Variants in FBXO24 observed in about 807,000 individuals in gnomAD.
The protein encoded by FBXO24 is F-box protein 24, also known as F-box only protein 24.
In FBXO24, 30 loss-of-function variants were observed where a neutral mutation model predicts 63.5. The observed-to-expected ratio is 0.47, with a 90% confidence interval of 0.35 to 0.64. The LOEUF (loss-of-function observed/expected upper bound fraction) is 0.64, where lower values mean the gene tolerates loss of function less well. Ranked by LOEUF, FBXO24 falls within the 30% of genes least tolerant of loss-of-function variation. The probability of loss-of-function intolerance (pLI) is 0.00; values close to 1 mark genes in which losing one functional copy is unlikely to be tolerated. For synonymous variants in FBXO24, 300 were observed against 305.0 expected, an observed-to-expected ratio of 0.98 and a Z score of 0.17; for missense variants, 624 against 763.4, an observed-to-expected ratio of 0.82 and a Z score of 2.15.
rs1326849886 is a variant in FBXO24 at position 100,594,385 on chromosome 7, G to A, written c.796G>A (p.Glu266Lys). The stretch of plus-strand genomic sequence containing the variant: ...CTAATTGCTTCCCCTACCCCCAGAG[G>A]AAGGAAAGATCTACTCTTTGGTAGT... ...TQRALLLLTE[E>K]GKIYSLVVNE... Residue 266 changes from glutamate (E) to lysine (K), a missense_variant and splice_region_variant, in exon 6 of 10, where the codon GAA becomes AAA. By Grantham distance (56) the Glu-to-Lys change is moderately conservative. Around this residue, in one of 3 missense-constraint regions of FBXO24, gnomAD observed 391 missense variants for 469.1 expected, o/e 0.83. Coordinates refer to ENST00000241071, the MANE Select transcript of FBXO24 (RefSeq NM_033506.3). The surrounding 1 kb of genome is among the most constrained non-coding windows in gnomAD (Gnocchi z 4.2). The A allele has an allele frequency of 6.2e-7, 1 of 1,611,414 alleles. No individual in the cohort carries two copies. Among genetic ancestry groups the A allele is most frequent in the Non-Finnish European group, 8.5e-7 (1 of 1,179,004 alleles).
chr7:100,587,688 T>C (rs1801822909), intron 1 of FBXO24, among the ~76,000 whole-genome samples: 1 of 146,442 alleles, frequency 6.8e-6, no homozygotes, highest in African/African-American at 2.5e-5. Flanking sequence ...CAGCCTTGAA[T>C]GCCTGGGCTC....
rs375799189 is a variant in FBXO24, at chr7:100,586,708, C to G, written c.39+44C>G. On this transcript the variant is annotated intron_variant, in intron 1 of 9. Coordinates refer to ENST00000241071, the MANE Select transcript of FBXO24 (RefSeq NM_033506.3). ...ACTGAGGTTAAGAATGAACGCGGAG[C>G]CCCTGGCCGGCCGGGAACGCAGTTC... The G allele has an allele frequency of 1.4e-4, 221 of 1,610,082 alleles. No homozygotes were observed. The African/African-American group carries it at 2.6e-3, about 19-fold the overall frequency.
Position 100,592,884 on chromosome 7 carries a change from C to A in FBXO24, c.660C>A (p.Ala220=), listed in dbSNP as rs934148714. 8 of 1,614,102 alleles carry A rather than the reference C, an allele frequency of 5.0e-6. No homozygotes were observed. Among genetic ancestry groups the A allele is most frequent in the Non-Finnish European group, 6.8e-6 (8 of 1,180,056 alleles). ...TGGTGGGTACCACCAGCAGCCGGGC[C>A]TGTGACTGTGTTGAGGTCTATCTGC... ...QEVVGTTSSR[A]CDCVEVYLQS... Residue 220 remains alanine, a synonymous_variant, in exon 5 of 10, where the codon GCC becomes GCA. Coordinates refer to ENST00000241071, the MANE Select transcript of FBXO24 (RefSeq NM_033506.3).
Position 100,590,398 on chromosome 7 carries a change from C to T in FBXO24, c.322+41C>T, listed in dbSNP as rs751000780. ...AACCTCCCGTTCTCCTTGCCTCTGT[C>T]CCGCCTTAGCCTTCCTGCTCTCTAA... On this transcript the variant is annotated intron_variant, in intron 3 of 9. Coordinates refer to ENST00000241071, the MANE Select transcript of FBXO24 (RefSeq NM_033506.3). 7.7e-5 allele frequency: 120 copies of T among 1,563,804 alleles called. 2 individuals are homozygous for T. The South Asian group carries it at 9.8e-4, about 13-fold the overall frequency.
intron 1 of FBXO24, 167 bp from the exon 2 acceptor site, chr7:100,589,810 G>T (rs1440769452): frequency 1.3e-5 from 20 of 1,513,872 alleles, no homozygotes; most frequent in Middle Eastern, 3.5e-4. Context: ...GGGATTGGCC[G>T]CAGGAGATCG....
rs372120120 is a variant in FBXO24, at chr7:100,595,238, G to A, written c.1074+15G>A. The A allele has an allele frequency of 1.2e-6, 2 of 1,614,084 alleles. No individual in the cohort carries two copies. Among genetic ancestry groups the A allele is most frequent in the Non-Finnish European group, 1.7e-6 (2 of 1,180,004 alleles). On this transcript the variant is annotated intron_variant, in intron 7 of 9. Coordinates refer to ENST00000241071, the MANE Select transcript of FBXO24 (RefSeq NM_033506.3). ...TGCCTGCCAAGGTAGGCTCCTGGAG[G>A]GACGGGGCAAACCAGAGGGGTGGCG...
In FBXO24 at chr7:100,595,239, G is replaced by C. The variant is rs1364465894; in HGVS notation, c.1074+16G>C. The stretch of plus-strand genomic sequence containing the variant: ...GCCTGCCAAGGTAGGCTCCTGGAGG[G>C]ACGGGGCAAACCAGAGGGGTGGCGC... On this transcript the variant is annotated intron_variant, in intron 7 of 9. Transcript: ENST00000241071. 2 of 1,614,074 alleles carry C rather than the reference G, an allele frequency of 1.2e-6. No individual in the cohort carries two copies. Among genetic ancestry groups the C allele is most frequent in the African/African-American group, 1.3e-5 (1 of 75,030 alleles).
At chr7:100,599,520 A>G (rs1322936725) in intron 8 of FBXO24, among the ~76,000 whole-genome samples, 1 of 151,680 alleles carries the variant, frequency 6.6e-6, no homozygotes, top group African/African-American at 2.4e-5. Flanking sequence ...GGTTGCAGTG[A>G]GCCGAGATCG....
rs267601178 is a variant in FBXO24 at position 100,595,675 on chromosome 7, G to A, written c.1175G>A (p.Gly392Glu). 2.5e-6 allele frequency: 4 copies of A among 1,611,146 alleles called. No homozygotes were observed. The highest frequency in any genetic ancestry group is 2.2e-5 in the East Asian group (1 of 44,844). Residue 392 changes from glycine to glutamate, a missense_variant, in exon 8 of 10, where the codon GGG (glycine) becomes GAG (glutamate). Coordinates refer to ENST00000241071, the MANE Select transcript of FBXO24 (RefSeq NM_033506.3). ...GNNRYGQLGT[G>E]DKMDRGEPTQ... ...AACAGATACGGGCAGCTAGGAACAG[G>A]GGACAAAATGGACCGAGGGGAACCC...
chr7:100,593,421 G>C (rs1277701799), intron 5 of FBXO24, among the ~76,000 whole-genome samples: 1 of 152,004 alleles, frequency 6.6e-6, no homozygotes, highest in Non-Finnish European at 1.5e-5. Context: ...ACGAGGTCAA[G>C]AGATCGAGAC....
At position 100,592,873 on chromosome 7, in the gene FBXO24, A is replaced by G. The variant is rs922678131; in HGVS notation, c.649A>G (p.Ser217Gly). The G allele has an allele frequency of 2.5e-6, 4 of 1,614,080 alleles. No homozygotes were observed. The African/African-American group carries it at 5.3e-5, about 22-fold the overall frequency. ...REPQEVVGTTSSRACDCVEVY... is the reference protein window; with the variant it reads ...REPQEVVGTTGSRACDCVEVY... Reference sequence around the variant, plus strand: ...GCCGCAGGAAGTGGTGGGTACCACCAGCAGCCGGGCCTGTGACTGTGTTGA... The same window carrying G: ...GCCGCAGGAAGTGGTGGGTACCACCGGCAGCCGGGCCTGTGACTGTGTTGA... The change falls in exon 5 of 10, where the codon AGC (serine) becomes GGC (glycine). Residue 217 changes from serine to glycine, a missense_variant. By Grantham distance (56) the Ser-to-Gly change is moderately conservative. This residue lies in a region of FBXO24 where 391 missense variants were observed against 469.1 expected (regional missense o/e 0.83). Transcript: ENST00000241071.
intron 5 of FBXO24, among the ~76,000 whole-genome samples, chr7:100,593,646 A>T (rs1366854818): frequency 6.6e-6 from 1 of 150,388 alleles, no homozygotes; most frequent in Non-Finnish European, 1.5e-5. Flanking sequence ...AAAAAAAAAA[A>T]ATTAGCCGGA....
chr7:100,587,158 C>T (rs1801797852), intron 1 of FBXO24, among the ~76,000 whole-genome samples: 1 of 152,212 alleles, frequency 6.6e-6, no homozygotes, highest in Non-Finnish European at 1.5e-5. Context: ...ACAGCAAGTT[C>T]CTGACAGCTG....
rs148604938 is a variant in FBXO24 at position 100,600,764 on chromosome 7, G to C, written c.1608G>C (p.Thr536=). Residue 536 remains threonine (T), a synonymous_variant, in exon 10 of 10, where the codon ACG becomes ACC. Transcript: ENST00000241071. This position sits in a 1 kb window ranked among gnomAD's most constrained non-coding sequence, Gnocchi z 6.3. The stretch of plus-strand genomic sequence containing the variant: ...GTTGCCAAACGTTGCAGGACCGCAC[G>C]GAGAAGATGAAGGAGATCGTAGGGT... ...IHSCQTLQDR[T]EKMKEIVGWM... 50 of 1,614,040 alleles carry C rather than the reference G, an allele frequency of 3.1e-5. No homozygotes were observed. The highest frequency in any genetic ancestry group is 3.6e-5 in the Non-Finnish European group (43 of 1,180,026).
chr7:100,589,855 G>A lies in FBXO24; in HGVS notation c.40-122G>A. 3 of 1,545,910 alleles carry A rather than the reference G, an allele frequency of 1.9e-6. No homozygotes were observed. In the East Asian group the frequency reaches 6.8e-5, roughly 35 times the overall value. Reference sequence around the variant, plus strand: ...ATTTGGAGAAGTTAGGGATGGGTCTGGAGAGAGAGGGGAGGAAATAACTGT... The same window carrying A: ...ATTTGGAGAAGTTAGGGATGGGTCTAGAGAGAGAGGGGAGGAAATAACTGT... On this transcript the variant is annotated intron_variant, in intron 1 of 9. Transcript: ENST00000241071.
chr7:100,593,280 A>C (rs1482845444), intron 5 of FBXO24, among the ~76,000 whole-genome samples: 1 of 152,052 alleles, frequency 6.6e-6, no homozygotes, highest in Admixed American at 6.6e-5. Flanking sequence ...AGATCACCTG[A>C]GATCTGGAGT....
Position 100,594,462 on chromosome 7 carries a change from G to C in FBXO24, c.873G>C (p.Leu291=). The change falls in exon 6 of 10, where the codon CTG becomes CTC. Residue 291 remains leucine, a synonymous_variant. Coordinates refer to ENST00000241071, the MANE Select transcript of FBXO24 (RefSeq NM_033506.3). The surrounding 1 kb of genome is among the most constrained non-coding windows in gnomAD (Gnocchi z 4.2). ...QPRSYTVQLA[L]RKVSHYLPHL... is the part of the protein sequence containing the mutation. The stretch of plus-strand genomic sequence containing the variant: ...GCTCCTACACGGTTCAGCTGGCCCT[G>C]AGGAAGGTGTCCCACTACCTGCCTC... 1 of 1,613,724 alleles carries C rather than the reference G, an allele frequency of 6.2e-7. No homozygotes were observed. The highest frequency in any genetic ancestry group is 8.5e-7 in the Non-Finnish European group (1 of 1,179,810).
chr7:100,590,630 A>G (rs571664864), intron 3 of FBXO24, among the ~76,000 whole-genome samples: 12 of 152,106 alleles, frequency 7.9e-5, no homozygotes, highest in Non-Finnish European at 1.6e-4. Context: ...CTCACTCCCC[A>G]AACCTGGAGT....
rs1562823377 is a variant in FBXO24 at position 100,600,280 on chromosome 7, G to A, written c.1377+79G>A. The A allele has an allele frequency of 6.9e-7, 1 of 1,441,488 alleles. No homozygotes were observed. The highest frequency in any genetic ancestry group is 2.5e-5 in the East Asian group (1 of 39,934). The allele number at this position is 1,441,488 out of a possible 1,614,324, so 89.3% of individuals were successfully genotyped here. A position where few individuals can be genotyped will look rare whatever the true frequency, so the allele number is the denominator to read the frequency against. ...AGGAAGCCCACAGGCTGTAGCTGGGGCTCCTGCAGGGACCCAGGGGGTCCC... is the reference window on the plus strand; with the variant it reads ...AGGAAGCCCACAGGCTGTAGCTGGGACTCCTGCAGGGACCCAGGGGGTCCC... On this transcript the variant is annotated intron_variant, in intron 9 of 9. Coordinates refer to ENST00000241071, the MANE Select transcript of FBXO24 (RefSeq NM_033506.3). The surrounding 1 kb of genome is among the most constrained non-coding windows in gnomAD (Gnocchi z 6.3).
Sources: allele counts gnomAD v4.1 joint callset (sites outside exome capture counted in the v4.1 genomes callset), GRCh38; gene constraint gnomAD v4.1.1; regional missense constraint gnomAD v4.1.1; non-coding constraint Gnocchi (gnomAD v3.1); transcripts MANE v1.5; gene names NCBI Gene and HGNC (gene_info 2026-07-23, HGNC 2026-07-21).